ZNF69: variants seen among roughly 807,000 people sequenced by gnomAD.
ZNF69 encodes the protein zinc finger protein 69.
In ZNF69, 47 loss-of-function variants were observed where a neutral mutation model predicts 50.9. The observed-to-expected ratio is 0.92, with a 90% CI of 0.73 to 1.18. ZNF69 has a LOEUF of 1.18. ZNF69 is among the 50% of genes most tolerant of loss of function. The probability of loss-of-function intolerance (pLI) is 0.00; values close to 1 mark genes in which losing one functional copy is unlikely to be tolerated. For synonymous variants in ZNF69, 216 were observed against 223.1 expected (o/e 0.97, Z 0.29); for missense variants, 717 against 675.1 (o/e 1.06, Z -0.69).
chr19:11,957,441 T>A, the ZNF69 span, among the ~76,000 whole-genome samples: 9 of 151,940 alleles, frequency 5.9e-5, no homozygotes, highest in Non-Finnish European at 1.3e-4. Flanking sequence ...CAGCTTGTCA[T>A]TAGGAGAGGT....
the ZNF69 span, among the ~76,000 whole-genome samples, chr19:11,921,369 A>G: frequency 4.6e-5 from 7 of 151,724 alleles, no homozygotes; most frequent in African/African-American, 1.2e-4. Context: ...GAGTCTCACT[A>G]TATTGCCCAG....
chr19:11,920,393 G>A, the ZNF69 span, among the ~76,000 whole-genome samples: 5 of 152,136 alleles, frequency 3.3e-5, no homozygotes, highest in Admixed American at 6.6e-5. Flanking sequence ...GATTACAGGC[G>A]TGAGCTACTA....
At chr19:11,899,125 C>G (rs1260561531) in intron 1 of ZNF69, among the ~76,000 whole-genome samples, 1 of 152,172 alleles carries the variant, frequency 6.6e-6, no homozygotes, top group Non-Finnish European at 1.5e-5. Flanking sequence ...TTTGCCACCC[C>G]TATTTATCCC....
At chr19:11,965,805 C>A in the ZNF69 span, among the ~76,000 whole-genome samples, 2 of 152,102 alleles carry the variant, frequency 1.3e-5, no homozygotes, top group Non-Finnish European at 2.9e-5. Flanking sequence ...GGTCCCGAGG[C>A]GGCTCAAGAC....
At chr19:11,964,482 A>AC in the ZNF69 span, among the ~76,000 whole-genome samples, 1 of 152,336 alleles carries the variant, frequency 6.6e-6, no homozygotes, top group African/African-American at 2.4e-5. Context: ...TCAGAAGGTT[A>AC]AATTAACCCC....
Position 11,887,805 on chromosome 19 carries a change from G to A in ZNF69, c.-119G>A. On this transcript the variant is annotated 5_prime_UTR_variant, in exon 1 of 4. Transcript: ENST00000429654. Reference sequence around the variant, plus strand: ...CCACTGTTCCTCCAGACACTGAGGGGGTCGCATTCCTTACCTCACCTTTGT... The same window carrying A: ...CCACTGTTCCTCCAGACACTGAGGGAGTCGCATTCCTTACCTCACCTTTGT... 2 of 747,728 alleles carry A rather than the reference G, an allele frequency of 2.7e-6. No homozygotes were observed. The highest frequency in any genetic ancestry group is 1.7e-5 in the South Asian group (1 of 60,326). The allele number at this position is 747,728 out of a possible 1,614,324, so 46.3% of individuals were successfully genotyped here. A position where few individuals can be genotyped will look rare whatever the true frequency, so the allele number is the denominator to read the frequency against.
Position 11,904,907 on chromosome 19 carries a change from A to G in ZNF69, c.510A>G (p.Lys170=), listed in dbSNP as rs1807854997. The G allele has an allele frequency of 6.2e-7, 1 of 1,614,092 alleles. No individual in the cohort carries two copies. The change falls in exon 4 of 4, where the codon AAA becomes AAG. Residue 170 remains lysine, a synonymous_variant. Coordinates refer to ENST00000429654, the MANE Select transcript of ZNF69 (RefSeq NM_001364730.1). The stretch of plus-strand genomic sequence containing the variant: ...AGCCATGTAAGTGTCAACAACCTAA[A>G]AAAGCCTTCAGATATCACCCCTCCT... The part of the protein sequence containing the change: ...GPKPCKCQQP[K]KAFRYHPSFR...
chr19:11,943,400 C>T, the ZNF69 span, among the ~76,000 whole-genome samples: 1 of 152,192 alleles, frequency 6.6e-6, no homozygotes, highest in Non-Finnish European at 1.5e-5. Context: ...CGGGCTAAAA[C>T]AGTTAAAGCT....
the ZNF69 span, chr19:11,925,142 A>G: frequency 1.9e-6 from 3 of 1,583,972 alleles, no homozygotes; most frequent in South Asian, 1.1e-5. Flanking sequence ...GCGGTTGGTA[A>G]CCGGTCAGAC....
At chr19:11,962,487 A>G in the ZNF69 span, among the ~76,000 whole-genome samples, 1 of 152,126 alleles carries the variant, frequency 6.6e-6, no homozygotes, top group African/African-American at 2.4e-5. Flanking sequence ...TAGCCTCCCA[A>G]GTAGCTGGGA....
the ZNF69 span, chr19:11,947,341 T>C: frequency 1.5e-5 from 24 of 1,612,294 alleles, no homozygotes; most frequent in Non-Finnish European, 2.0e-5. Flanking sequence ...GTCAGTGCAT[T>C]AGCAAACCAG....
the ZNF69 span, among the ~76,000 whole-genome samples, chr19:11,966,452 C>A: frequency 3.9e-5 from 6 of 152,196 alleles, no homozygotes; most frequent in Non-Finnish European, 5.9e-5. Context: ...CGGCTCACAG[C>A]AGCCTTTGCC....
At chr19:11,943,483 G>T in the ZNF69 span, among the ~76,000 whole-genome samples, 1 of 152,120 alleles carries the variant, frequency 6.6e-6, no homozygotes, top group East Asian at 1.9e-4. Flanking sequence ...GTAAATGGGG[G>T]TCTCTTTTTT....
chr19:11,901,459 G>A (rs1156559395), intron 1 of ZNF69, among the ~76,000 whole-genome samples: 2 of 152,168 alleles, frequency 1.3e-5, no homozygotes, highest in Non-Finnish European at 2.9e-5. Context: ...CTTGTCAGAT[G>A]CCTTTTCTGC....
At chr19:11,980,010 T>C in the ZNF69 span, 1 of 1,137,102 alleles carries the variant, frequency 8.8e-7, no homozygotes, top group East Asian at 2.7e-5. Flanking sequence ...AAAGCCTTTA[T>C]TTCTTTCACT....
At chr19:11,901,794 T>A (rs1006071430) in intron 1 of ZNF69, among the ~76,000 whole-genome samples, 1 of 151,996 alleles carries the variant, frequency 6.6e-6, no homozygotes, top group East Asian at 1.9e-4. Flanking sequence ...GCTACCATGA[T>A]TTGTTATCAT....
At chr19:11,941,799 C>G in the ZNF69 span, among the ~76,000 whole-genome samples, 1 of 152,220 alleles carries the variant, frequency 6.6e-6, no homozygotes, top group African/African-American at 2.4e-5. Context: ...GGAGCCCAGG[C>G]AGGGGAGGCG....
rs139040191 is a variant in ZNF69 at position 11,900,854 on chromosome 19, A to G, written c.64-2719A>G. Among the ~76,000 whole-genome samples the G allele has an allele frequency of 1.6e-3, 248 of 152,304 alleles. 7 individuals are homozygous for G. Among genetic ancestry groups the G allele is most frequent in the African/African-American group, 5.5e-3 (230 of 41,584 alleles). On this transcript the variant is annotated intron_variant, in intron 1 of 3. Coordinates refer to ENST00000429654, the MANE Select transcript of ZNF69 (RefSeq NM_001364730.1). ...GTCCAATTTATCGATTTTCTCATTC[A>G]CAGATCATGCTTTTTGTGTTGTGTG...
the ZNF69 span, among the ~76,000 whole-genome samples, chr19:11,976,510 T>C: frequency 0.18 from 26,272 of 146,844 alleles, 5,164 homozygotes; most frequent in African/African-American, 0.5. Context: ...AAGCCAATAT[T>C]GTGCCACTGC....
Sources: allele counts gnomAD v4.1 joint callset (sites outside exome capture counted in the v4.1 genomes callset), GRCh38; gene constraint gnomAD v4.1.1; transcripts MANE v1.5; gene names NCBI Gene and HGNC (gene_info 2026-07-23, HGNC 2026-07-21).